TCF20: variants seen among roughly 807,000 people sequenced by gnomAD.
TCF20 encodes the protein transcription factor 20.
TCF20 carries 3 observed loss-of-function variants against 148.6 expected under a neutral mutation model. The ratio of observed to expected loss-of-function variants is 0.02; its 90% CI spans 0.01 to 0.05. The LOEUF is 0.05. Ranked by LOEUF, TCF20 falls within the 10% of genes least tolerant of loss-of-function variation. The pLI is 1.00. For synonymous variants in TCF20, 1,049 were observed against 909.5 expected, an observed-to-expected ratio of 1.15 and a Z score of -2.76; for missense variants, 2,350 against 2,429.3, an observed-to-expected ratio of 0.97 and a Z score of 0.69.
In TCF20 at chr22:42,212,524, T is replaced by C; in HGVS notation, c.2782A>G (p.Ile928Val). 1.2e-6 allele frequency: 2 copies of C among 1,614,136 alleles called. No homozygotes were observed. Among genetic ancestry groups the C allele is most frequent in the Non-Finnish European group, 8.5e-7 (1 of 1,179,936 alleles). The change falls in exon 2 of 6, where the codon ATA becomes GTA. Residue 928 changes from isoleucine to valine, a missense_variant. Ile to Val is a conservative substitution (Grantham distance 29). Coordinates refer to ENST00000677622, the MANE Select transcript of TCF20 (RefSeq NM_001378418.1). ...ETKLKSQSGQ[I>V]KEEDFEQSKS... Reference sequence around the variant, plus strand: ...GACTGTTCAAAGTCTTCCTCTTTTATCTGCCCGCTCTGGGATTTCAGCTTG... The same window carrying C: ...GACTGTTCAAAGTCTTCCTCTTTTACCTGCCCGCTCTGGGATTTCAGCTTG...
rs375304708 is a variant in TCF20, at chr22:42,236,460, T to C, written c.-36-21119A>G. Among the ~76,000 whole-genome samples the C allele has an allele frequency of 7.9e-5, 12 of 152,188 alleles. No individual in the cohort carries two copies. In the East Asian group the frequency reaches 1.7e-3, roughly 22 times the overall value. On this transcript the variant is annotated intron_variant, in intron 1 of 5. Coordinates refer to ENST00000677622, the MANE Select transcript of TCF20 (RefSeq NM_001378418.1). ...GCCGACGGAGCGCATTCTTAATCTA[T>C]ATGGCAAGAACTACAAGCCACAGGA...
chr22:42,339,841 G>C (rs1928132936), intron 1 of TCF20, among the ~76,000 whole-genome samples: 1 of 152,212 alleles, frequency 6.6e-6, no homozygotes, highest in Non-Finnish European at 1.5e-5. Flanking sequence ...CTGATGCGCA[G>C]ACTCAGGCCA....
intron 5 of TCF20, among the ~76,000 whole-genome samples, chr22:42,162,249 T>C (rs1315018290): frequency 2.0e-5 from 3 of 152,068 alleles, no homozygotes; most frequent in Non-Finnish European, 2.9e-5. Context: ...AGTGTTGGGA[T>C]TACAGGCGTG....
intron 1 of TCF20, among the ~76,000 whole-genome samples, chr22:42,341,810 C>T (rs977852584): frequency 1.1e-4 from 17 of 152,292 alleles, no homozygotes; most frequent in Admixed American, 9.8e-4. Context: ...CGTCCTACCA[C>T]ATTGAGAGCA....
chr22:42,243,018 T>G (rs947453432), intron 1 of TCF20, among the ~76,000 whole-genome samples: 1 of 151,852 alleles, frequency 6.6e-6, no homozygotes, highest in African/African-American at 2.4e-5. Flanking sequence ...AGTAGGAAGA[T>G]CAATGATTAC....
chr22:42,267,128 G>A (rs946501108), intron 1 of TCF20, among the ~76,000 whole-genome samples: 3 of 151,766 alleles, frequency 2.0e-5, no homozygotes, highest in South Asian at 2.1e-4. Context: ...TTAGCCAGGC[G>A]AGGTGGCGCA....
intron 1 of TCF20, among the ~76,000 whole-genome samples, chr22:42,294,496 G>A (rs990546205): frequency 1.3e-5 from 2 of 152,210 alleles, no homozygotes; most frequent in Admixed American, 6.5e-5. Context: ...CTGGCAGGCA[G>A]TGCTCCCAGG....
At chr22:42,202,032 CCTT>C (rs1295335296) in intron 2 of TCF20, among the ~76,000 whole-genome samples, 1 of 152,098 alleles carries the variant, frequency 6.6e-6, no homozygotes, top group Non-Finnish European at 1.5e-5. Context: ...ACCCTGCCAC[CCTT>C]CCCCCCGCAG....
chr22:42,251,520 T>TTTTTTTTTG (rs1555947166), intron 1 of TCF20, among the ~76,000 whole-genome samples: 10 of 115,814 alleles, frequency 8.6e-5, no homozygotes, highest in African/African-American at 3.4e-4. Flanking sequence ...TTTTTTTTTT[T>TTTTTTTTTG]GAGACAGAAT....
upstream of TCF20, among the ~76,000 whole-genome samples, chr22:42,270,874 C>T (rs1211876221): frequency 6.6e-6 from 1 of 151,278 alleles, no homozygotes; most frequent in African/African-American, 2.4e-5. Flanking sequence ...GCACGGGGTT[C>T]TCCTCTGCGG....
intron 1 of TCF20, among the ~76,000 whole-genome samples, chr22:42,339,146 G>A (rs1414740914): frequency 6.6e-6 from 1 of 152,166 alleles, no homozygotes; most frequent in Non-Finnish European, 1.5e-5. Context: ...GAAGCCACAG[G>A]GGCAGTCGCT....
chr22:42,264,442 T>G (rs2146986433), intron 1 of TCF20, among the ~76,000 whole-genome samples: 1 of 152,332 alleles, frequency 6.6e-6, no homozygotes, highest in Admixed American at 6.5e-5. Flanking sequence ...AAGGTACCAC[T>G]AATGATCTCC....
At chr22:42,223,953 G>A (rs533868281) in intron 1 of TCF20, among the ~76,000 whole-genome samples, 2 of 152,256 alleles carry the variant, frequency 1.3e-5, no homozygotes, top group South Asian at 2.1e-4. Context: ...TGAAGGTGCT[G>A]GCTTCCTCCC....
intron 1 of TCF20, among the ~76,000 whole-genome samples, chr22:42,251,792 C>A (rs139763105): frequency 6.6e-6 from 1 of 151,516 alleles, no homozygotes; most frequent in Non-Finnish European, 1.5e-5. Flanking sequence ...AGTGAGCCAC[C>A]GCACCTGGCC....
chr22:42,300,811 C>A (rs1231085577), intron 1 of TCF20, among the ~76,000 whole-genome samples: 1 of 152,188 alleles, frequency 6.6e-6, no homozygotes, highest in Non-Finnish European at 1.5e-5. Context: ...TCCTCCCTAT[C>A]CACTCCTGAC....
At chr22:42,255,144 A>G (rs936417181) in intron 1 of TCF20, among the ~76,000 whole-genome samples, 1 of 151,932 alleles carries the variant, frequency 6.6e-6, no homozygotes, top group African/African-American at 2.4e-5. Context: ...TTTTTTGTCA[A>G]ATGTTTAGAA....
intron 1 of TCF20, among the ~76,000 whole-genome samples, chr22:42,259,780 C>T (rs1925932178): frequency 1.3e-5 from 2 of 152,016 alleles, no homozygotes; most frequent in African/African-American, 2.4e-5. Context: ...ATACTGCTGC[C>T]TATATAGCAG....
intron 1 of TCF20, among the ~76,000 whole-genome samples, chr22:42,318,580 G>T (rs565090707): frequency 6.6e-6 from 1 of 152,230 alleles, no homozygotes; most frequent in South Asian, 2.1e-4. Flanking sequence ...CCCGGGCCAG[G>T]CAGGAGTCAG....
intron 1 of TCF20, among the ~76,000 whole-genome samples, chr22:42,216,955 T>C (rs976514708): frequency 2.0e-5 from 3 of 152,178 alleles, no homozygotes; most frequent in African/African-American, 7.2e-5. Context: ...AAAAAACAAG[T>C]TCCAAAATAC....
Sources: allele counts gnomAD v4.1 joint callset (sites outside exome capture counted in the v4.1 genomes callset), GRCh38; gene constraint gnomAD v4.1.1; transcripts MANE v1.5; gene names NCBI Gene and HGNC (gene_info 2026-07-23, HGNC 2026-07-21).